EFCAB13: variants seen among roughly 807,000 people sequenced by gnomAD.
EFCAB13 encodes EF-hand calcium-binding domain-containing protein 13.
A neutral mutation model predicts 110.2 loss-of-function variants in EFCAB13; 91 were observed. That is an observed-to-expected ratio of 0.83 (90% confidence interval 0.70 to 0.98). The LOEUF is 0.98. Among genes scored for constraint, EFCAB13 ranks in the 50% least tolerant of loss-of-function variants. The pLI is 0.00. For missense variants in EFCAB13, 968 were observed against 1,119.4 expected (o/e 0.86, Z 1.93); for synonymous variants, 323 against 369.9 (o/e 0.87, Z 1.45).
At chr17:47,392,080 T>C (rs551696354) in intron 15 of EFCAB13, among the ~76,000 whole-genome samples, 43 of 152,150 alleles carry the variant, frequency 2.8e-4, no homozygotes, top group African/African-American at 8.7e-4. Context: ...ATAGGTGAAA[T>C]AATATTGTCT....
chr17:47,402,330 G>T (rs56195427), intron 18 of EFCAB13, 127 bp downstream of exon 18: 2 of 849,204 alleles, frequency 2.4e-6, no homozygotes, highest in Non-Finnish European at 3.7e-6. Flanking sequence ...ATGTTTATAC[G>T]CAGATGAAAC....
chr17:47,403,869 T>C lies in EFCAB13; in HGVS notation c.2018-9T>C, dbSNP rs1382482911. ...GCTTTTTATTAATTAACTTTTTTTC[T>C]ATTTATAGAGTTACAGGAAGTTGTC... is the stretch of plus-strand genomic sequence containing the variant. On this transcript the variant is annotated splice_polypyrimidine_tract_variant and intron_variant, in intron 18 of 24. Transcript: ENST00000331493. 17 of 1,577,600 alleles carry C rather than the reference T, an allele frequency of 1.1e-5. No homozygotes were observed. The highest frequency in any genetic ancestry group is 1.5e-5 in the Non-Finnish European group (17 of 1,168,062).
chr17:47,344,071 T>C (rs1430018381), intron 6 of EFCAB13, 91 bp from the exon 7 acceptor site: 1 of 1,380,192 alleles, frequency 7.2e-7, no homozygotes, highest in Non-Finnish European at 9.6e-7. Flanking sequence ...CAAGGTATGA[T>C]TAATTATCTT....
chr17:47,335,311 A>T lies in EFCAB13; in HGVS notation c.146A>T (p.Glu49Val), dbSNP rs770550643. 1 of 1,606,628 alleles carries T rather than the reference A, an allele frequency of 6.2e-7. No homozygotes were observed. The highest frequency in any genetic ancestry group is 1.3e-5 in the African/African-American group (1 of 74,562). The change falls in exon 5 of 25, where the codon GAA becomes GTA. Residue 49 changes from glutamate to valine, a missense_variant. Transcript: ENST00000331493. ...YIKFSKTIEK[E>V]ISPEIRSLSP... The stretch of plus-strand genomic sequence containing the variant: ...AAGTTTTCTAAAACAATAGAGAAGG[A>T]AATTTCACCGGAAATTAGGAGTTTG...
intron 4 of EFCAB13, 27 bp from the exon 5 acceptor site, chr17:47,335,169 C>T: frequency 6.4e-7 from 1 of 1,564,290 alleles, no homozygotes; most frequent in South Asian, 1.2e-5. Flanking sequence ...AGAGGACATG[C>T]TTGATTGTGG....
At chr17:47,327,520 C>T (rs1317574057) in intron 3 of EFCAB13, among the ~76,000 whole-genome samples, 9 of 151,516 alleles carry the variant, frequency 5.9e-5, no homozygotes, top group African/African-American at 1.7e-4. Flanking sequence ...TGCAGTGGTG[C>T]GATCTTGGCT....
At chr17:47,364,687 A>G (rs1367614778) in intron 10 of EFCAB13, among the ~76,000 whole-genome samples, 1 of 151,920 alleles carries the variant, frequency 6.6e-6, no homozygotes, top group Non-Finnish European at 1.5e-5. Context: ...ACCCCTGTCC[A>G]CTCTTATGTT....
chr17:47,403,868 C>T lies in EFCAB13; in HGVS notation c.2018-10C>T, dbSNP rs1414075339. 1.3e-6 allele frequency: 2 copies of T among 1,573,110 alleles called. No homozygotes were observed. The highest frequency in any genetic ancestry group is 2.3e-5 in the East Asian group (1 of 44,224). Reference sequence around the variant, plus strand: ...TGCTTTTTATTAATTAACTTTTTTTCTATTTATAGAGTTACAGGAAGTTGT... The same window carrying T: ...TGCTTTTTATTAATTAACTTTTTTTTTATTTATAGAGTTACAGGAAGTTGT... On this transcript the variant is annotated splice_polypyrimidine_tract_variant and intron_variant, in intron 18 of 24. Coordinates refer to ENST00000331493, the MANE Select transcript of EFCAB13 (RefSeq NM_152347.5).
chr17:47,365,675 T>G (rs974741249), intron 10 of EFCAB13, among the ~76,000 whole-genome samples: 1 of 152,144 alleles, frequency 6.6e-6, no homozygotes, highest in East Asian at 1.9e-4. Context: ...TAAAAGTTGG[T>G]TATATACAAT....
At chr17:47,340,193 T>C (rs1291894142) in intron 5 of EFCAB13, 1 of 152,106 alleles carries the variant, frequency 6.6e-6, no homozygotes, top group African/African-American at 2.4e-5. Context: ...AGGAAAACAA[T>C]AGAGCAATTA....
chr17:47,437,243 G>A (rs1397023889), intron 24 of EFCAB13, among the ~76,000 whole-genome samples: 1 of 152,060 alleles, frequency 6.6e-6, no homozygotes, highest in Non-Finnish European at 1.5e-5. Flanking sequence ...TGCAGTTATT[G>A]GATGAAATGT....
chr17:47,350,431 G>A (rs1045054908), intron 9 of EFCAB13, among the ~76,000 whole-genome samples: 1 of 152,024 alleles, frequency 6.6e-6, no homozygotes, highest in African/African-American at 2.4e-5. Context: ...TGAATCTATA[G>A]AGGCCAAACT....
intron 22 of EFCAB13, among the ~76,000 whole-genome samples, 179 bp downstream of exon 22, chr17:47,413,095 T>C (rs2065844591): frequency 6.6e-6 from 1 of 152,224 alleles, no homozygotes; most frequent in Non-Finnish European, 1.5e-5. Flanking sequence ...AACATATCTA[T>C]TCATACTCAT....
At chr17:47,374,175 T>C (rs2065600545) in intron 11 of EFCAB13, among the ~76,000 whole-genome samples, 1 of 152,160 alleles carries the variant, frequency 6.6e-6, no homozygotes, top group Non-Finnish European at 1.5e-5. Context: ...TCTTTGTCAA[T>C]TGGGAAGGAG....
chr17:47,352,065 C>A (rs113917832), intron 9 of EFCAB13, among the ~76,000 whole-genome samples: 1 of 151,804 alleles, frequency 6.6e-6, no homozygotes, highest in Non-Finnish European at 1.5e-5. Context: ...CCACGCCTGG[C>A]TAATTTTTTT....
chr17:47,376,978 G>GT (rs1435012248), intron 12 of EFCAB13, among the ~76,000 whole-genome samples: 1 of 152,114 alleles, frequency 6.6e-6, no homozygotes, highest in African/African-American at 2.4e-5. Context: ...ACCCATCTCA[G>GT]TGCATCAGTA....
At chr17:47,367,085 C>A (rs374163452) in intron 10 of EFCAB13, among the ~76,000 whole-genome samples, 40 of 152,238 alleles carry the variant, frequency 2.6e-4, no homozygotes, top group African/African-American at 8.9e-4. Context: ...ACCACAAGTG[C>A]CAGTTACTGG....
At chr17:47,362,562 G>A (rs985505893) in intron 10 of EFCAB13, among the ~76,000 whole-genome samples, 7 of 152,044 alleles carry the variant, frequency 4.6e-5, no homozygotes, top group Non-Finnish European at 8.8e-5. Flanking sequence ...AGGGCCTGAC[G>A]GAGGGCCTGA....
chr17:47,382,198 A>G (rs891024601), intron 14 of EFCAB13, among the ~76,000 whole-genome samples: 1 of 152,154 alleles, frequency 6.6e-6, no homozygotes, highest in Non-Finnish European at 1.5e-5. Context: ...ATTTTTGCAC[A>G]TTGATTTTGT....
Sources: allele counts gnomAD v4.1 joint callset (sites outside exome capture counted in the v4.1 genomes callset), GRCh38; gene constraint gnomAD v4.1.1; transcripts MANE v1.5; gene names NCBI Gene and HGNC (gene_info 2026-07-23, HGNC 2026-07-21).